Variants in ASPA observed in about 807,000 individuals in gnomAD.
The protein encoded by ASPA is aspartoacylase.
A neutral mutation model predicts 29.6 loss-of-function variants in ASPA; 25 were observed. The observed-to-expected ratio is 0.85, with a 90% confidence interval of 0.62 to 1.18. ASPA has a LOEUF of 1.18. Among genes scored for constraint, ASPA ranks in the 50% most tolerant of loss-of-function variants. The pLI is 0.00. For synonymous variants in ASPA, 131 were observed against 130.3 expected (o/e 1.01, Z -0.04); for missense variants, 333 against 385.7 (o/e 0.86, Z 1.14).
At position 3,483,032 on chromosome 17, in the gene ASPA, T is replaced by A. The variant is rs547222293; in HGVS notation, c.433-467T>A. 8.8e-5 allele frequency among the ~76,000 whole-genome samples: 13 copies of A among 148,256 alleles called. No homozygotes were observed. In the South Asian group the frequency reaches 1.5e-3, roughly 17 times the overall value. ...AAGCAGAATTGCTGACACTTTGTTA[T>A]CCAAACCAAGAGGCCTGTCTTCAAT... On this transcript the variant is annotated intron_variant, in intron 2 of 5. Coordinates refer to ENST00000263080, the MANE Select transcript of ASPA (RefSeq NM_000049.4).
Position 3,501,776 on chromosome 17 carries a change from C to T in ASPA, c.*2688C>T, listed in dbSNP as rs1327592077. ...GACCAGCCTGGCCAACATGGTGAAACCCCCTCTCTACTAAAAATACCAACA... is the reference window on the plus strand; with the variant it reads ...GACCAGCCTGGCCAACATGGTGAAATCCCCTCTCTACTAAAAATACCAACA... On this transcript the variant is annotated 3_prime_UTR_variant, in exon 6 of 6. Transcript: ENST00000263080. 2 of 152,350 alleles carry T rather than the reference C, an allele frequency of 1.3e-5. No individual in the cohort carries two copies. Among genetic ancestry groups the T allele is most frequent in the African/African-American group, 4.8e-5 (2 of 41,422 alleles). 9.4% of individuals were successfully genotyped at this position (152,350 alleles called of 1,614,324 possible). A position where few individuals can be genotyped will look rare whatever the true frequency, so the allele number is the denominator to read the frequency against.
chr17:3,492,525 T>TA (rs1277434869), intron 4 of ASPA, among the ~76,000 whole-genome samples: 2 of 152,186 alleles, frequency 1.3e-5, no homozygotes, highest in Non-Finnish European at 1.5e-5. Flanking sequence ...TGTTCAGAGA[T>TA]AGAGTCTATT....
intron 3 of ASPA, among the ~76,000 whole-genome samples, chr17:3,486,664 C>G (rs1190277074): frequency 2.0e-5 from 3 of 152,174 alleles, no homozygotes. Flanking sequence ...ATTAAAATTA[C>G]AACTTAAAAT....
chr17:3,483,590 T>G lies in ASPA; in HGVS notation c.524T>G (p.Val175Gly), dbSNP rs2073671846. The G allele has an allele frequency of 1.2e-6, 2 of 1,610,730 alleles. No individual in the cohort carries two copies. The highest frequency in any genetic ancestry group is 2.2e-5 in the East Asian group (1 of 44,874). ...ATTRSIAKYP[V>G]GIEVGPQPQG... ...ACTCGTTCCATAGCCAAGTATCCTGTGGGTAAGTCATAGTTCCCACTGTCA... is the reference window on the plus strand; with the variant it reads ...ACTCGTTCCATAGCCAAGTATCCTGGGGGTAAGTCATAGTTCCCACTGTCA... Residue 175 changes from valine (V) to glycine (G), a missense_variant and splice_region_variant, in exon 3 of 6, where the codon GTG (valine) becomes GGG (glycine). Physicochemically the swap from Val to Gly is moderately radical, Grantham distance 109. Coordinates refer to ENST00000263080, the MANE Select transcript of ASPA (RefSeq NM_000049.4).
rs2073781358 is a variant in ASPA, at chr17:3,489,335, CAATGAAGGTAAGTAAT to C, written c.634+5_634+20del. On this transcript the variant is annotated splice_donor_variant and splice_donor_5th_base_variant and coding_sequence_variant and intron_variant, in exon 4 of 6. Transcript: ENST00000263080. LOFTEE classifies it high-confidence loss of function. The stretch of plus-strand genomic sequence containing the variant: ...ATGCTCTTGATTTTATACATCATTT[CAATGAAGGTAAGTAAT>C]AATGAAGGTAACGTTATCAAACTTA... 2 of 1,595,804 alleles carry C rather than the reference CAATGAAGGTAAGTAAT, an allele frequency of 1.3e-6. No individual in the cohort carries two copies. Among genetic ancestry groups the C allele is most frequent in the South Asian group, 1.1e-5 (1 of 90,622 alleles).
upstream of ASPA, among the ~76,000 whole-genome samples, chr17:3,474,582 CT>C (rs1052622669): frequency 5.9e-5 from 9 of 151,396 alleles, no homozygotes; most frequent in South Asian, 6.3e-4. Context: ...CCTACAGGAG[CT>C]TTTTTTTTCT....
At chr17:3,483,642 A>C (rs761939122) in intron 3 of ASPA, 50 bp downstream of exon 3, 1 of 1,477,256 alleles carries the variant, frequency 6.8e-7, no homozygotes, top group Middle Eastern at 1.7e-4. Context: ...GTCCTAGCTG[A>C]AACTCAGAGA....
At position 3,499,646 on chromosome 17, in the gene ASPA, TTAAGTG is replaced by T. The variant is rs2073967036; in HGVS notation, c.*560_*565del. ...TCAGTGGCCTTTGATGTTACTGTTG[TTAAGTG>T]TTTTGGGGCACCATGAATCGTGCCC... On this transcript the variant is annotated 3_prime_UTR_variant, in exon 6 of 6. Coordinates refer to ENST00000263080, the MANE Select transcript of ASPA (RefSeq NM_000049.4). The T allele has an allele frequency of 6.6e-6, 1 of 152,422 alleles. No individual in the cohort carries two copies. Among genetic ancestry groups the T allele is most frequent in the Admixed American group, 6.5e-5 (1 of 15,282 alleles). The allele number at this position is 152,422 out of a possible 1,614,324, so 9.4% of individuals were successfully genotyped here.
intron 5 of ASPA, among the ~76,000 whole-genome samples, chr17:3,495,580 G>C (rs2073895374): frequency 6.6e-6 from 1 of 151,448 alleles, no homozygotes; most frequent in South Asian, 2.1e-4. Flanking sequence ...TTTTGTTTTT[G>C]TTTTTTGAGA....
In ASPA at chr17:3,501,169, AGAAAG is replaced by A. The variant is rs2073985752; in HGVS notation, c.*2085_*2089del. 1 of 152,256 alleles carries A rather than the reference AGAAAG, an allele frequency of 6.6e-6. No individual in the cohort carries two copies. Among genetic ancestry groups the A allele is most frequent in the African/African-American group, 2.4e-5 (1 of 41,448 alleles). 9.4% of individuals were successfully genotyped at this position (152,256 alleles called of 1,614,324 possible). A position where few individuals can be genotyped will look rare whatever the true frequency, so the allele number is the denominator to read the frequency against. The stretch of plus-strand genomic sequence containing the variant: ...GGGGAGGGGAGAAAAAAGAAAAAAA[AGAAAG>A]GAAGAAAAAAATCATTTCATAAGGC... On this transcript the variant is annotated 3_prime_UTR_variant, in exon 6 of 6. Coordinates refer to ENST00000263080, the MANE Select transcript of ASPA (RefSeq NM_000049.4).
chr17:3,478,254 T>C (rs2073566585), intron 1 of ASPA, among the ~76,000 whole-genome samples: 1 of 152,184 alleles, frequency 6.6e-6, no homozygotes, highest in African/African-American at 2.4e-5. Flanking sequence ...GTGCTTGTTT[T>C]CTGATCAACT....
upstream of ASPA, chr17:3,475,573 A>T (rs2073508971): frequency 6.5e-6 from 1 of 153,530 alleles, no homozygotes. Context: ...ATTCTGAAAG[A>T]ATGGGCGCCG....
intron 4 of ASPA, among the ~76,000 whole-genome samples, chr17:3,491,315 CT>C (rs1223178744): frequency 2.0e-5 from 3 of 151,860 alleles, no homozygotes; most frequent in Non-Finnish European, 2.9e-5. Flanking sequence ...AGGTAATGGT[CT>C]TTTTTTTCTG....
In ASPA at chr17:3,483,605, TC is replaced by T. The variant is rs757010194; in HGVS notation, c.526+16del. On this transcript the variant is annotated intron_variant, in intron 3 of 5. Transcript: ENST00000263080. The stretch of plus-strand genomic sequence containing the variant: ...AAGTATCCTGTGGGTAAGTCATAGT[TC>T]CCACTGTCATAACTCAATAAAATAT... 2 of 1,583,210 alleles carry T rather than the reference TC, an allele frequency of 1.3e-6. No homozygotes were observed. Among genetic ancestry groups the T allele is most frequent in the East Asian group, 2.2e-5 (1 of 44,750 alleles).
At chr17:3,496,395 A>G (rs955848512) in intron 5 of ASPA, among the ~76,000 whole-genome samples, 1 of 152,236 alleles carries the variant, frequency 6.6e-6, no homozygotes. Context: ...AAGGGTTCCA[A>G]TTAGACGGAG....
intron 3 of ASPA, among the ~76,000 whole-genome samples, chr17:3,487,702 A>G (rs2073750543): frequency 6.6e-6 from 1 of 152,176 alleles, no homozygotes; most frequent in Non-Finnish European, 1.5e-5. Flanking sequence ...TTCTTAAATC[A>G]TTGACTAGGG....
chr17:3,476,060 G>A lies in ASPA; in HGVS notation c.-100G>A. ...GGGAATTCTGTACTTTGCCCTTTGGGTAAAGTCTCATTTACATTTCTAAAC... is the reference window on the plus strand; with the variant it reads ...GGGAATTCTGTACTTTGCCCTTTGGATAAAGTCTCATTTACATTTCTAAAC... On this transcript the variant is annotated 5_prime_UTR_variant, in exon 1 of 6. Transcript: ENST00000263080. The A allele has an allele frequency of 1.7e-6, 2 of 1,144,718 alleles. No homozygotes were observed. The highest frequency in any genetic ancestry group is 4.9e-5 in the East Asian group (2 of 40,822). The allele number at this position is 1,144,718 out of a possible 1,614,324, so 70.9% of individuals were successfully genotyped here.
rs78677072 is a variant in ASPA at position 3,498,977 on chromosome 17, C to T, written c.831C>T (p.Thr277=). Residue 277 remains threonine, a synonymous_variant, in exon 6 of 6, where the codon ACC becomes ACT. Coordinates refer to ENST00000263080, the MANE Select transcript of ASPA (RefSeq NM_000049.4). ...GKTIPLGGDC[T]VYPVFVNEAA... is the part of the protein sequence containing the mutation. ...CGATCCCACTGGGCGGAGACTGTAC[C>T]GTGTACCCCGTGTTTGTGAATGAGG... The T allele has an allele frequency of 1.7e-3, 2,780 of 1,614,090 alleles. 59 individuals carry two copies. The Admixed American group carries it at 0.038, about 22-fold the overall frequency.
rs769726762 is a variant in ASPA, at chr17:3,481,803, T to C, written c.432+5T>C. On this transcript the variant is annotated splice_donor_5th_base_variant and intron_variant, in intron 2 of 5. Transcript: ENST00000263080. ...CAGATGTTTCATTACATTAAGGTAATGTTAATGTTATTAATTTATAAGTTA... is the reference window on the plus strand; with the variant it reads ...CAGATGTTTCATTACATTAAGGTAACGTTAATGTTATTAATTTATAAGTTA... 3.8e-6 allele frequency: 6 copies of C among 1,583,642 alleles called. No homozygotes were observed. The highest frequency in any genetic ancestry group is 5.2e-6 in the Non-Finnish European group (6 of 1,158,256).
Sources: allele counts gnomAD v4.1 joint callset (sites outside exome capture counted in the v4.1 genomes callset), GRCh38; gene constraint gnomAD v4.1.1; transcripts MANE v1.5; gene names NCBI Gene and HGNC (gene_info 2026-07-23, HGNC 2026-07-21).